The following BCAS3 variants were observed in gnomAD, a reference collection of about 807,000 sequenced individuals.
The protein encoded by BCAS3 is BCAS4/BCAS3 fusion.
Under a neutral mutation model 116.1 loss-of-function variants are expected in BCAS3, and 53 were observed. That is an observed-to-expected ratio of 0.46 (90% CI 0.37 to 0.57). The LOEUF is 0.57. Among genes scored for constraint, BCAS3 ranks in the 20% least tolerant of loss-of-function variants. The probability of loss-of-function intolerance (pLI) is 0.00; values close to 1 mark genes in which losing one functional copy is unlikely to be tolerated. For missense variants in BCAS3, 917 were observed against 1,165.4 expected (o/e 0.79, Z 3.10); for synonymous variants, 391 against 408.2 (o/e 0.96, Z 0.51).
chr17:60,815,840 T>C (rs2049335077), intron 7 of BCAS3, among the ~76,000 whole-genome samples: 1 of 152,246 alleles, frequency 6.6e-6, no homozygotes, highest in Admixed American at 6.5e-5. Flanking sequence ...ATGTTTTCTT[T>C]ATCTTGCCCA....
chr17:61,147,228 C>T (rs11079417), intron 22 of BCAS3, among the ~76,000 whole-genome samples: 141,658 of 151,878 alleles, frequency 0.93, 66,845 homozygotes, highest in East Asian at 1. Flanking sequence ...GTACGCACCA[C>T]CACACCTAGC....
intron 7 of BCAS3, among the ~76,000 whole-genome samples, chr17:60,845,044 A>C (rs554495316): frequency 1.3e-5 from 2 of 152,178 alleles, no homozygotes; most frequent in African/African-American, 4.8e-5. Context: ...AGACTGACCA[A>C]CATGTTGAAA....
At position 61,376,745 on chromosome 17, in the gene BCAS3, T is replaced by A. The variant is rs991191666; in HGVS notation, c.2593+8251T>A. Among the ~76,000 whole-genome samples, 1 of 152,218 alleles carries A rather than the reference T, an allele frequency of 6.6e-6. No homozygotes were observed. Among genetic ancestry groups the A allele is most frequent in the Non-Finnish European group, 1.5e-5 (1 of 68,038 alleles). ...TGCCCAGTGCTCCTAAAATTGCACC[T>A]GTCTCAGCAAATGCTATCACCCAAG... On this transcript the variant is annotated intron_variant, in intron 23 of 23. Coordinates refer to ENST00000407086, the MANE Select transcript of BCAS3 (RefSeq NM_017679.5). The surrounding 1 kb of genome is among the most constrained non-coding windows in gnomAD (Gnocchi z 4.5).
intron 15 of BCAS3, among the ~76,000 whole-genome samples, chr17:60,992,491 A>T (rs2063588763): frequency 6.6e-6 from 1 of 152,170 alleles, no homozygotes; most frequent in South Asian, 2.1e-4. Flanking sequence ...ATACATGGAC[A>T]TAAAGATGGG....
intron 6 of BCAS3, among the ~76,000 whole-genome samples, chr17:60,807,666 C>T (rs1457091460): frequency 1.3e-5 from 2 of 151,802 alleles, no homozygotes; most frequent in African/African-American, 2.4e-5. Flanking sequence ...CCTGTAGTCC[C>T]AGCTACTCAG....
chr17:60,792,081 C>T (rs1274322035), intron 6 of BCAS3, among the ~76,000 whole-genome samples: 1 of 152,160 alleles, frequency 6.6e-6, no homozygotes, highest in Non-Finnish European at 1.5e-5. Context: ...CGAGATCGTG[C>T]CACTGTACTC....
chr17:60,696,625 A>T (rs1330544136), intron 4 of BCAS3: 1 of 151,664 alleles, frequency 6.6e-6, no homozygotes, highest in Non-Finnish European at 1.5e-5. Flanking sequence ...TGCTGCTATC[A>T]GCTTCTATTG....
At position 61,028,091 on chromosome 17, in the gene BCAS3, T is replaced by C. The variant is rs2066385444; in HGVS notation, c.1638-6575T>C. Among the ~76,000 whole-genome samples, 1 of 151,846 alleles carries C rather than the reference T, an allele frequency of 6.6e-6. No individual in the cohort carries two copies. The highest frequency in any genetic ancestry group is 6.6e-5 in the Admixed American group (1 of 15,224). On this transcript the variant is annotated intron_variant, in intron 16 of 23. Coordinates refer to ENST00000407086, the MANE Select transcript of BCAS3 (RefSeq NM_017679.5). The surrounding 1 kb of genome is among the most constrained non-coding windows in gnomAD (Gnocchi z 4.3). ...ATGGGGATTGTTCATACTGTTCTAT[T>C]ACACTAGAAAAAAACATTCCAACGT... is the stretch of plus-strand genomic sequence containing the variant.
At position 61,309,239 on chromosome 17, in the gene BCAS3, C is replaced by A. The variant is rs565973522; in HGVS notation, c.2426-59088C>A. Among the ~76,000 whole-genome samples, 5 of 152,336 alleles carry A rather than the reference C, an allele frequency of 3.3e-5. No individual in the cohort carries two copies. The highest frequency in any genetic ancestry group is 9.6e-5 in the African/African-American group (4 of 41,578). On this transcript the variant is annotated intron_variant, in intron 22 of 23. Coordinates refer to ENST00000407086, the MANE Select transcript of BCAS3 (RefSeq NM_017679.5). The surrounding 1 kb of genome is among the most constrained non-coding windows in gnomAD (Gnocchi z 4.6). ...ATTAGATAACTCTCTACGTGATTTG[C>A]AAACACCTCAAAATTGTCAAGATGG...
intron 4 of BCAS3, among the ~76,000 whole-genome samples, chr17:60,707,546 G>C (rs11651585): frequency 6.6e-6 from 1 of 152,156 alleles, no homozygotes; most frequent in Non-Finnish European, 1.5e-5. Flanking sequence ...GCACTGTCTA[G>C]GGCCTCTAGT....
chr17:61,388,414 C>T lies in BCAS3; in HGVS notation c.2594-3563C>T, dbSNP rs1198707330. On this transcript the variant is annotated intron_variant, in intron 23 of 23. Coordinates refer to ENST00000407086, the MANE Select transcript of BCAS3 (RefSeq NM_017679.5). The surrounding 1 kb of genome is among the most constrained non-coding windows in gnomAD (Gnocchi z 6.5). ...CTTGGCCCCCTCTGTCACAGCAGATCCATCTCTGGGACCCCCAAGACAGAT... is the reference window on the plus strand; with the variant it reads ...CTTGGCCCCCTCTGTCACAGCAGATTCATCTCTGGGACCCCCAAGACAGAT... 1.9e-6 allele frequency: 1 copy of T among 535,654 alleles called. No homozygotes were observed. The highest frequency in any genetic ancestry group is 3.2e-5 in the Admixed American group (1 of 31,034). 33.2% of individuals were successfully genotyped at this position (535,654 alleles called of 1,614,324 possible).
At chr17:60,692,849 C>T (rs557577508) in intron 4 of BCAS3, among the ~76,000 whole-genome samples, 6 of 29,478 alleles carry the variant, frequency 2.0e-4, no homozygotes, top group Non-Finnish European at 1.0e-3. Flanking sequence ...GAACCAAGAT[C>T]GCGCCACTGC....
chr17:60,904,539 T>A (rs1004501955), intron 11 of BCAS3, among the ~76,000 whole-genome samples: 2 of 151,556 alleles, frequency 1.3e-5, no homozygotes, highest in Admixed American at 6.6e-5. Context: ...ATGTTTAATA[T>A]AACACTTTAG....
chr17:61,368,014 C>G lies in BCAS3; in HGVS notation c.2426-313C>G, dbSNP rs2058830730. The G allele has an allele frequency of 4.2e-6, 1 of 236,090 alleles. No homozygotes were observed. Among genetic ancestry groups the G allele is most frequent in the South Asian group, 1.8e-4 (1 of 5,688 alleles). 14.6% of individuals were successfully genotyped at this position (236,090 alleles called of 1,614,324 possible). ...AAAGTAGGGATCCGTTTGGGTTGAA[C>G]CTGGGAAGGGGGTTGCCTTCCCCGT... On this transcript the variant is annotated intron_variant, in intron 22 of 23. Coordinates refer to ENST00000407086, the MANE Select transcript of BCAS3 (RefSeq NM_017679.5). This position sits in a 1 kb window ranked among gnomAD's most constrained non-coding sequence, Gnocchi z 6.0.
chr17:60,695,483 G>C (rs2035474817), intron 4 of BCAS3, among the ~76,000 whole-genome samples: 1 of 152,134 alleles, frequency 6.6e-6, no homozygotes, highest in African/African-American at 2.4e-5. Flanking sequence ...TTGGCTTTGG[G>C]AACAATGCTG....
intron 19 of BCAS3, among the ~76,000 whole-genome samples, chr17:61,059,362 G>A (rs567865843): frequency 7.2e-5 from 11 of 152,076 alleles, no homozygotes; most frequent in East Asian, 3.9e-4. Context: ...GATTACAGGC[G>A]TGAGCCACTG....
intron 22 of BCAS3, among the ~76,000 whole-genome samples, chr17:61,089,587 T>G (rs1478434117): frequency 7.7e-6 from 1 of 129,990 alleles, no homozygotes; most frequent in Non-Finnish European, 1.6e-5. Flanking sequence ...TGGAGTGCAA[T>G]GGCACGATCT....
At chr17:60,980,651 G>T (rs1422017193) in intron 14 of BCAS3, 2 of 150,004 alleles carry the variant, frequency 1.3e-5, no homozygotes, top group Admixed American at 1.3e-4. Flanking sequence ...CTCCCACCTC[G>T]GCCTCCTGAG....
chr17:61,307,609 A>G lies in BCAS3; in HGVS notation c.2426-60718A>G, dbSNP rs967710984. On this transcript the variant is annotated intron_variant, in intron 22 of 23. Transcript: ENST00000407086. The surrounding 1 kb of genome is among the most constrained non-coding windows in gnomAD (Gnocchi z 4.7). ...ATTTTACCAAAATAAATTAGCGTTC[A>G]TAAATAAAAGGAGCTATATAAATCT... Among the ~76,000 whole-genome samples the G allele has an allele frequency of 6.6e-6, 1 of 152,232 alleles. No homozygotes were observed. The highest frequency in any genetic ancestry group is 1.5e-5 in the Non-Finnish European group (1 of 68,036).
Sources: gnomAD v4.1 joint callset for allele counts (sites outside exome capture counted in the v4.1 genomes callset) on GRCh38, gnomAD v4.1.1 for gene constraint, Gnocchi (gnomAD v3.1) non-coding constraint, MANE v1.5 for transcripts, NCBI Gene and HGNC (gene_info 2026-07-23, HGNC 2026-07-21) for gene names.